CFAP43: variants seen among roughly 807,000 people sequenced by gnomAD.
CFAP43 encodes cilia and flagella associated protein 43, also known as cilia- and flagella-associated protein 43.
CFAP43 carries 155 observed loss-of-function variants against 218.9 expected under a neutral mutation model. That is an observed-to-expected ratio of 0.71 (90% CI 0.62 to 0.81). CFAP43 has a LOEUF of 0.81. Among genes scored for constraint, CFAP43 ranks in the 30% least tolerant of loss-of-function variants. The pLI, the probability that CFAP43 is intolerant of heterozygous loss-of-function variation, is 0.00. For missense variants in CFAP43, 1,778 were observed against 1,954.3 expected (o/e 0.91, Z 1.70); for synonymous variants, 645 against 681.3 (o/e 0.95, Z 0.83).
At chr10:104,222,217 G>A (rs1470213204) in intron 3 of CFAP43, among the ~76,000 whole-genome samples, 1 of 152,118 alleles carries the variant, frequency 6.6e-6, no homozygotes, top group Non-Finnish European at 1.5e-5. Flanking sequence ...GGAGTCCCCA[G>A]GGTCCACGGA....
At chr10:104,183,692 A>G (rs1373485937) in intron 16 of CFAP43, among the ~76,000 whole-genome samples, 1 of 152,126 alleles carries the variant, frequency 6.6e-6, no homozygotes, top group East Asian at 1.9e-4. Context: ...CCTGGCCTAG[A>G]CCATCGTTTT....
chr10:104,131,549 A>G, intron 36 of CFAP43, 65 bp from the exon 37 acceptor site: 1 of 1,491,978 alleles, frequency 6.7e-7, no homozygotes. Flanking sequence ...TATCCTATAA[A>G]GACATTATTC....
In CFAP43 at chr10:104,132,101, G is replaced by A. The variant is rs182793531; in HGVS notation, c.4677+15C>T. On this transcript the variant is annotated intron_variant, in intron 36 of 37. Transcript: ENST00000357060. ...CAACTGTTAGGATATAATAACCAAC[G>A]TCTTTGAGACTTACCTTATCTAAAA... 413 of 1,562,804 alleles carry A rather than the reference G, an allele frequency of 2.6e-4. 1 individual carries two copies. The African/African-American group carries it at 4.8e-3, about 18-fold the overall frequency.
At chr10:104,210,783 C>CTTTTTTTTTTTTTTT (rs68153454) in intron 5 of CFAP43, among the ~76,000 whole-genome samples, 2 of 75,460 alleles carry the variant, frequency 2.7e-5, no homozygotes, top group African/African-American at 5.8e-5. Context: ...GTGAAACACT[C>CTTTTTTTTTTTTTTT]TTTTTTTTTT....
chr10:104,201,378 G>A (rs1589766360), intron 8 of CFAP43, among the ~76,000 whole-genome samples: 1 of 151,552 alleles, frequency 6.6e-6, no homozygotes, highest in Non-Finnish European at 1.5e-5. Flanking sequence ...TATCTCAATT[G>A]TTTTGCATTT....
chr10:104,191,791 G>T (rs777914016), intron 12 of CFAP43, among the ~76,000 whole-genome samples: 51 of 42,552 alleles, frequency 1.2e-3, no homozygotes, highest in East Asian at 4.6e-3. Flanking sequence ...TGTGTGTGTG[G>T]GGGGGGGGAA....
chr10:104,225,400 C>T, intron 3 of CFAP43, 61 bp downstream of exon 3: 1 of 1,304,510 alleles, frequency 7.7e-7, no homozygotes. Flanking sequence ...CGATAAAATC[C>T]AGAAGAGTAA....
At chr10:104,199,173 G>A (rs2090461029) in intron 8 of CFAP43, among the ~76,000 whole-genome samples, 1 of 151,906 alleles carries the variant, frequency 6.6e-6, no homozygotes, top group African/African-American at 2.4e-5. Flanking sequence ...GTCACTTTAT[G>A]CTTATTATTT....
intron 19 of CFAP43, among the ~76,000 whole-genome samples, chr10:104,176,434 T>G (rs1372026581): frequency 6.6e-6 from 1 of 152,144 alleles, no homozygotes; most frequent in Non-Finnish European, 1.5e-5. Flanking sequence ...ATAAAGAAAA[T>G]GATCAATAAC....
chr10:104,132,109 G>A lies in CFAP43; in HGVS notation c.4677+7C>T. 1 of 1,587,876 alleles carries A rather than the reference G, an allele frequency of 6.3e-7. No homozygotes were observed. The highest frequency in any genetic ancestry group is 8.6e-7 in the Non-Finnish European group (1 of 1,166,890). On this transcript the variant is annotated splice_region_variant and intron_variant, in intron 36 of 37. Coordinates refer to ENST00000357060, the MANE Select transcript of CFAP43 (RefSeq NM_025145.7). ...AGGATATAATAACCAACGTCTTTGA[G>A]ACTTACCTTATCTAAAACAGCAATG... is the stretch of plus-strand genomic sequence containing the variant.
At chr10:104,190,713 C>T (rs572888374) in intron 12 of CFAP43, among the ~76,000 whole-genome samples, 4 of 152,310 alleles carry the variant, frequency 2.6e-5, no homozygotes, top group South Asian at 4.1e-4. Flanking sequence ...CATCACTTAT[C>T]CCTTCCTTTC....
intron 34 of CFAP43, among the ~76,000 whole-genome samples, chr10:104,135,473 G>T (rs775177253): frequency 5.3e-5 from 8 of 152,072 alleles, no homozygotes; most frequent in Non-Finnish European, 1.0e-4. Context: ...TATATATATA[G>T]AGAAAGTCAT....
chr10:104,134,140 G>C (rs1220371250), intron 34 of CFAP43, among the ~76,000 whole-genome samples: 1 of 152,184 alleles, frequency 6.6e-6, no homozygotes, highest in Non-Finnish European at 1.5e-5. Context: ...TCTCATGCCT[G>C]TAATCCCACC....
At chr10:104,133,819 GA>G (rs2087312085) in intron 34 of CFAP43, 35 bp from the exon 35 acceptor site, 1 of 1,519,636 alleles carries the variant, frequency 6.6e-7, no homozygotes, top group Non-Finnish European at 8.9e-7. Flanking sequence ...CATATAATAT[GA>G]TTCTGCATAT....
intron 3 of CFAP43, among the ~76,000 whole-genome samples, chr10:104,224,613 G>A (rs915076834): frequency 6.6e-5 from 10 of 151,598 alleles, no homozygotes. Flanking sequence ...AAATTAGCTG[G>A]TCATGATGGC....
At chr10:104,131,738 G>GCTTTGTTT (rs923092037) in intron 36 of CFAP43, among the ~76,000 whole-genome samples, 1 of 152,072 alleles carries the variant, frequency 6.6e-6, no homozygotes, top group African/African-American at 2.4e-5. Flanking sequence ...GCTTGAGATT[G>GCTTTGTTT]CTTTGTTTCT....
intron 34 of CFAP43, among the ~76,000 whole-genome samples, chr10:104,140,345 A>G (rs1222326586): frequency 6.6e-6 from 1 of 152,216 alleles, no homozygotes; most frequent in African/African-American, 2.4e-5. Flanking sequence ...TTTAAAAAAT[A>G]CTCATCCTGG....
At chr10:104,157,767 TGTGTGTGTGAGA>T (rs1199764915) in intron 27 of CFAP43, among the ~76,000 whole-genome samples, 4 of 118,686 alleles carry the variant, frequency 3.4e-5, no homozygotes, top group African/African-American at 1.4e-4. Context: ...TGTGTGTGTG[TGTGTGTGTGAGA>T]GAGAGAGAGA....
chr10:104,144,793 T>C (rs1564717758), intron 31 of CFAP43, among the ~76,000 whole-genome samples: 1 of 152,224 alleles, frequency 6.6e-6, no homozygotes, highest in Non-Finnish European at 1.5e-5. Flanking sequence ...TTACATTTGA[T>C]TGAAAACTGG....
Sources: allele counts gnomAD v4.1 joint callset (sites outside exome capture counted in the v4.1 genomes callset), GRCh38; gene constraint gnomAD v4.1.1; transcripts MANE v1.5; gene names NCBI Gene and HGNC (gene_info 2026-07-23, HGNC 2026-07-21).